NBAS: variants seen among roughly 807,000 people sequenced by gnomAD.
NBAS encodes NAG/BC035112 fusion.
Under a neutral mutation model 302.5 loss-of-function variants are expected in NBAS, and 219 were observed. That is an observed-to-expected ratio of 0.72 (90% confidence interval 0.65 to 0.81). The LOEUF (loss-of-function observed/expected upper bound fraction) is 0.81. Ranked by LOEUF, NBAS falls within the 30% of genes least tolerant of loss-of-function variation. The pLI, the probability that NBAS is intolerant of heterozygous loss-of-function variation, is 0.00. For missense variants in NBAS, 2,932 were observed against 2,841.6 expected (o/e 1.03, Z -0.72); for synonymous variants, 1,118 against 1,021.6 (o/e 1.09, Z -1.80).
chr2:14,801,276 C>T, the NBAS span, among the ~76,000 whole-genome samples: 1 of 151,950 alleles, frequency 6.6e-6, no homozygotes, highest in Non-Finnish European at 1.5e-5. Context: ...TCTCTCACTC[C>T]CTTCCTGTTA....
intron 51 of NBAS, chr2:15,177,837 TC>T (rs1572400580): frequency 9.7e-6 from 2 of 206,298 alleles, no homozygotes; most frequent in East Asian, 2.3e-4. Flanking sequence ...TCAGTCAAGG[TC>T]CCAAAGAGGC....
rs1347899175 is a variant in NBAS at position 15,475,799 on chromosome 2, A to G, written c.1229T>C (p.Leu410Ser). ...CAAAGTTTTCACAGATGAAACAGTT[A>G]AAGCACCAGAGCATCGAGCTAAAGT... ...AVTLARCSGA[L>S]TVSSVKTLKN... Residue 410 changes from leucine to serine, a missense_variant, in exon 14 of 52, where the codon TTA (leucine) becomes TCA (serine). Transcript: ENST00000281513. 6.2e-7 allele frequency: 1 copy of G among 1,614,018 alleles called. No homozygotes were observed. Among genetic ancestry groups the G allele is most frequent in the Non-Finnish European group, 8.5e-7 (1 of 1,179,984 alleles).
Position 15,527,639 on chromosome 2 carries a change from T to C in NBAS, c.746+6904A>G, listed in dbSNP as rs573235641. On this transcript the variant is annotated intron_variant, in intron 9 of 51. Coordinates refer to ENST00000281513, the MANE Select transcript of NBAS (RefSeq NM_015909.4). ...GAGAAGTCCTAACGGCCTCATCATG[T>C]CTTAAAGCCCTCATGTCTTAATGCC... 2.6e-5 allele frequency among the ~76,000 whole-genome samples: 4 copies of C among 152,282 alleles called. No individual in the cohort carries two copies. The East Asian group carries it at 7.7e-4, about 29-fold the overall frequency.
chr2:15,026,175 G>GCATCTATTGAGATAATCAT, the NBAS span, among the ~76,000 whole-genome samples: 79 of 80,386 alleles, frequency 9.8e-4, 22 homozygotes, highest in Middle Eastern at 0.031. Context: ...AGTCTTTTCT[G>GCATCTATTGAGATAATCAT]GCCGGGCACG....
At chr2:14,972,947 G>C in the NBAS span, among the ~76,000 whole-genome samples, 18 of 152,174 alleles carry the variant, frequency 1.2e-4, no homozygotes, top group African/African-American at 4.3e-4. Context: ...CACTTGGCTA[G>C]AACCATCAAA....
the NBAS span, among the ~76,000 whole-genome samples, chr2:15,012,704 C>A: frequency 6.6e-6 from 1 of 152,020 alleles, no homozygotes; most frequent in Non-Finnish European, 1.5e-5. Context: ...CAGTGAATTT[C>A]TCAGTAAAAA....
At chr2:15,021,181 C>T in the NBAS span, among the ~76,000 whole-genome samples, 12 of 152,022 alleles carry the variant, frequency 7.9e-5, no homozygotes, top group African/African-American at 2.7e-4. Flanking sequence ...TGCAGTGAGC[C>T]GAGTTCTTGC....
the NBAS span, among the ~76,000 whole-genome samples, chr2:15,034,296 G>GAGAA: frequency 9.7e-6 from 1 of 102,622 alleles, no homozygotes; most frequent in Non-Finnish European, 2.2e-5. Context: ...AAGAAAGAAA[G>GAGAA]AAAGAAAGAT....
chr2:14,877,349 T>C, the NBAS span, among the ~76,000 whole-genome samples: 1 of 152,324 alleles, frequency 6.6e-6, no homozygotes, highest in East Asian at 1.9e-4. Context: ...CTTCGGGATC[T>C]AGTTCAGTAT....
intron 48 of NBAS, among the ~76,000 whole-genome samples, chr2:15,200,337 T>C (rs1392048448): frequency 1.3e-5 from 2 of 152,224 alleles, no homozygotes; most frequent in Non-Finnish European, 2.9e-5. Flanking sequence ...TCTCATTTAC[T>C]TGTGCAATAA....
chr2:15,379,809 C>T lies in NBAS; in HGVS notation c.3383G>A (p.Cys1128Tyr). Residue 1128 changes from cysteine to tyrosine, a missense_variant, in exon 30 of 52, where the codon TGC becomes TAC. Coordinates refer to ENST00000281513, the MANE Select transcript of NBAS (RefSeq NM_015909.4). ...GTGGATGTTTTCAAGGCGACTAGAG[C>T]ACAGAAGGCTTTCTGTAAATATCTG... The part of the protein sequence containing the change: ...CYEIFTESLL[C>Y]SSRLENIHLA... The T allele has an allele frequency of 6.2e-7, 1 of 1,613,914 alleles. No homozygotes were observed. Among genetic ancestry groups the T allele is most frequent in the Middle Eastern group, 1.7e-4 (1 of 6,058 alleles).
chr2:15,210,158 A>G (rs2147859678), intron 48 of NBAS, among the ~76,000 whole-genome samples: 1 of 152,354 alleles, frequency 6.6e-6, no homozygotes, highest in East Asian at 1.9e-4. Context: ...TCTGCACAAC[A>G]AAGGAAACAA....
chr2:15,431,172 C>T (rs1677746546), intron 21 of NBAS, among the ~76,000 whole-genome samples: 1 of 152,094 alleles, frequency 6.6e-6, no homozygotes, highest in African/African-American at 2.4e-5. Context: ...CATTTACATG[C>T]ATATCAAAAG....
the NBAS span, among the ~76,000 whole-genome samples, chr2:14,997,485 T>C: frequency 2.0e-5 from 3 of 151,752 alleles, no homozygotes; most frequent in East Asian, 1.9e-4. Flanking sequence ...CCCCAAGCTT[T>C]ATTGAGGTAT....
Position 15,330,680 on chromosome 2 carries a change from G to A in NBAS, c.4265C>T (p.Thr1422Ile), listed in dbSNP as rs145691402. 8.1e-6 allele frequency: 13 copies of A among 1,614,126 alleles called. No homozygotes were observed. Among genetic ancestry groups the A allele is most frequent in the Non-Finnish European group, 1.1e-5 (13 of 1,179,984 alleles). ...ATTMKVLSNT[T>I]TTTKAVLQAV... Reference sequence around the variant, plus strand: ...CTGCAGCACCGCTTTGGTGGTGGTTGTGGTGTTGGAAAGGACTTTCATGGT... The same window carrying A: ...CTGCAGCACCGCTTTGGTGGTGGTTATGGTGTTGGAAAGGACTTTCATGGT... Residue 1422 changes from threonine to isoleucine, a missense_variant, in exon 36 of 52, where the codon ACA (threonine) becomes ATA (isoleucine). Transcript: ENST00000281513.
chr2:15,538,363 C>G, intron 7 of NBAS: 1 of 447,502 alleles, frequency 2.2e-6, no homozygotes, highest in Non-Finnish European at 4.5e-6. Context: ...TTAGTTTCTC[C>G]ACTCATTATT....
chr2:15,105,624 G>C, the NBAS span, among the ~76,000 whole-genome samples: 2 of 151,968 alleles, frequency 1.3e-5, no homozygotes, highest in Non-Finnish European at 2.9e-5. Context: ...AGAGCTCCCC[G>C]TGTGCCTGAG....
At chr2:14,964,836 T>C in the NBAS span, among the ~76,000 whole-genome samples, 2 of 152,176 alleles carry the variant, frequency 1.3e-5, no homozygotes. Context: ...ACACAAAGTA[T>C]GTTGTCCAGC....
chr2:15,400,697 C>T (rs1676110086), intron 26 of NBAS, among the ~76,000 whole-genome samples: 1 of 152,166 alleles, frequency 6.6e-6, no homozygotes, highest in Non-Finnish European at 1.5e-5. Flanking sequence ...TTAGAATTCC[C>T]TGACTTTATG....
Sources: allele counts gnomAD v4.1 joint callset (sites outside exome capture counted in the v4.1 genomes callset), GRCh38; gene constraint gnomAD v4.1.1; transcripts MANE v1.5; gene names NCBI Gene and HGNC (gene_info 2026-07-23, HGNC 2026-07-21).